The following NPC1L1 variants were observed in gnomAD, a reference collection of about 807,000 sequenced individuals.
NPC1L1 encodes the protein NPC1 like intracellular cholesterol transporter 1, also known as NPC1-like intracellular cholesterol transporter 1.
In NPC1L1, 98 loss-of-function variants were observed where a neutral mutation model predicts 117.0. That is an observed-to-expected ratio of 0.84 (90% CI 0.71 to 0.99). NPC1L1 has a LOEUF of 0.99. Among genes scored for constraint, NPC1L1 ranks in the 50% least tolerant of loss-of-function variants. The pLI is 0.00. For synonymous variants in NPC1L1, 729 were observed against 727.6 expected, an observed-to-expected ratio of 1.00 and a Z score of -0.03; for missense variants, 1,540 against 1,710.0, an observed-to-expected ratio of 0.90 and a Z score of 1.75.
rs138488674 is a variant in NPC1L1 at position 44,521,150 on chromosome 7, A to G, written c.2954-32T>C. ...AGAAAGCAGGGGTCTGGGCAGTGAC[A>G]CCCCAGGGCCAGCAGCTCCTGCTTT... On this transcript the variant is annotated intron_variant, in intron 12 of 18. Coordinates refer to ENST00000381160, the MANE Select transcript of NPC1L1 (RefSeq NM_001101648.2). 7.6e-5 allele frequency: 122 copies of G among 1,613,438 alleles called. No individual in the cohort carries two copies. In the African/African-American group the frequency reaches 1.3e-3, roughly 17 times the overall value.
rs367883417 is a variant in NPC1L1 at position 44,532,067 on chromosome 7, G to A, written c.2547+13C>T. The A allele has an allele frequency of 1.2e-5, 19 of 1,613,990 alleles. No homozygotes were observed. Among genetic ancestry groups the A allele is most frequent in the Non-Finnish European group, 1.5e-5 (18 of 1,180,014 alleles). ...TAGTGCCCCTGCTCTCGTGTGGTTC[G>A]AGGCCCACTCACCACAACACCTCGA... On this transcript the variant is annotated intron_variant, in intron 9 of 18. Transcript: ENST00000381160.
Position 44,533,258 on chromosome 7 carries a change from T to A in NPC1L1, c.2409+173A>T, listed in dbSNP as rs932147685. 35 of 729,390 alleles carry A rather than the reference T, an allele frequency of 4.8e-5. No individual in the cohort carries two copies. In the African/African-American group the frequency reaches 5.5e-4, roughly 12 times the overall value. The allele number at this position is 729,390 out of a possible 1,614,324, so 45.2% of individuals were successfully genotyped here. A position where few individuals can be genotyped will look rare whatever the true frequency, so the allele number is the denominator to read the frequency against. ...TTAAAAAATTGTCAAAACAAATTTATTTTTCTGTAGGAAATTGGAGAATAC... is the reference window on the plus strand; with the variant it reads ...TTAAAAAATTGTCAAAACAAATTTAATTTTCTGTAGGAAATTGGAGAATAC... On this transcript the variant is annotated intron_variant, in intron 8 of 18. Transcript: ENST00000381160.
At position 44,535,948 on chromosome 7, in the gene NPC1L1, G is replaced by T. The variant is rs1219030339; in HGVS notation, c.1875C>A (p.Ile625=). Reference sequence around the variant, plus strand: ...GCAGGTCTTCAGCTGTGGTGCGATTGATCTCGTCTTCCAGAGAGCGCTGTG... The same window carrying T: ...GCAGGTCTTCAGCTGTGGTGCGATTTATCTCGTCTTCCAGAGAGCGCTGTG... The part of the protein sequence containing the change: ...FMAERSLEDE[I]NRTTAEDLPI... Residue 625 remains isoleucine, a synonymous_variant, in exon 5 of 19, where the codon ATC becomes ATA. Coordinates refer to ENST00000381160, the MANE Select transcript of NPC1L1 (RefSeq NM_001101648.2). 3 of 1,613,174 alleles carry T rather than the reference G, an allele frequency of 1.9e-6. No individual in the cohort carries two copies. In the Admixed American group the frequency reaches 5.0e-5, roughly 27 times the overall value.
intron 14 of NPC1L1, among the ~76,000 whole-genome samples, chr7:44,520,553 A>G (rs1801321537): frequency 1.3e-5 from 2 of 152,046 alleles, no homozygotes; most frequent in Admixed American, 1.3e-4. Context: ...CAATTCCACA[A>G]ACTTAGCACT....
At chr7:44,517,413 G>T in intron 14 of NPC1L1, 56 bp from the exon 15 acceptor site, 1 of 1,597,210 alleles carries the variant, frequency 6.3e-7, no homozygotes, top group South Asian at 1.1e-5. Context: ...CCCTTTCCAG[G>T]ACAACTTCAG....
intron 1 of NPC1L1, among the ~76,000 whole-genome samples, chr7:44,540,695 C>G (rs535956635): frequency 1.3e-5 from 2 of 152,034 alleles, no homozygotes; most frequent in Admixed American, 6.6e-5. Flanking sequence ...GCCAGGGTCT[C>G]TCATGGAGAG....
rs1304530888 is a variant in NPC1L1, at chr7:44,521,149, C to T, written c.2954-31G>A. On this transcript the variant is annotated intron_variant, in intron 12 of 18. Coordinates refer to ENST00000381160, the MANE Select transcript of NPC1L1 (RefSeq NM_001101648.2). ...GAGAAAGCAGGGGTCTGGGCAGTGA[C>T]ACCCCAGGGCCAGCAGCTCCTGCTT... 3 of 1,613,614 alleles carry T rather than the reference C, an allele frequency of 1.9e-6. No individual in the cohort carries two copies. The Admixed American group carries it at 5.0e-5, about 27-fold the overall frequency.
At position 44,533,516 on chromosome 7, in the gene NPC1L1, G is replaced by A; in HGVS notation, c.2324C>T (p.Thr775Ile). The change falls in exon 8 of 19, where the codon ACC becomes ATC. Residue 775 changes from threonine (T) to isoleucine (I), a missense_variant. Physicochemically the swap from Thr to Ile is moderately conservative, Grantham distance 89. Coordinates refer to ENST00000381160, the MANE Select transcript of NPC1L1 (RefSeq NM_001101648.2). ...PMPAVRTFAL[T>I]SGLAVILDFL... ...GTCAAGGATCACTGCAAGGCCAGAG[G>A]TCAGGGCAAAGGTCCGCACAGCTGG... is the stretch of plus-strand genomic sequence containing the variant. 1 of 1,614,236 alleles carries A rather than the reference G, an allele frequency of 6.2e-7. No homozygotes were observed. The highest frequency in any genetic ancestry group is 8.5e-7 in the Non-Finnish European group (1 of 1,180,032).
Position 44,536,730 on chromosome 7 carries a change from A to G in NPC1L1, c.1681+112T>C, listed in dbSNP as rs1410237339. ...GGTTGGCCTACAGCTTCCAGAAGCC[A>G]GGCTACCCCCAGGCCGCGAGAATCC... On this transcript the variant is annotated intron_variant, in intron 3 of 18. Coordinates refer to ENST00000381160, the MANE Select transcript of NPC1L1 (RefSeq NM_001101648.2). The surrounding 1 kb of genome is among the most constrained non-coding windows in gnomAD (Gnocchi z 4.7). 4.2e-6 allele frequency: 4 copies of G among 959,232 alleles called. No individual in the cohort carries two copies. The highest frequency in any genetic ancestry group is 3.2e-5 in the African/African-American group (2 of 61,878). The allele number at this position is 959,232 out of a possible 1,614,324, so 59.4% of individuals were successfully genotyped here.
chr7:44,528,338 C>T (rs1452776412), intron 10 of NPC1L1, among the ~76,000 whole-genome samples: 1 of 152,206 alleles, frequency 6.6e-6, no homozygotes, highest in African/African-American at 2.4e-5. Context: ...TTCCTGGCCT[C>T]AAGCAATCCT....
At position 44,534,595 on chromosome 7, in the gene NPC1L1, A is replaced by T; in HGVS notation, c.2018T>A (p.Val673Glu). 1 of 1,613,730 alleles carries T rather than the reference A, an allele frequency of 6.2e-7. No homozygotes were observed. The highest frequency in any genetic ancestry group is 8.5e-7 in the Non-Finnish European group (1 of 1,179,922). Residue 673 changes from valine (V) to glutamate (E), a missense_variant, in exon 6 of 19, where the codon GTG becomes GAG. By Grantham distance (121) the Val-to-Glu change is moderately radical. This residue lies in a region of NPC1L1 where 742 missense variants were observed against 873.6 expected (regional missense o/e 0.85). Transcript: ENST00000381160. The surrounding 1 kb of genome is among the most constrained non-coding windows in gnomAD (Gnocchi z 5.2). ...DSKATLGLGG[V>E]AVVLGAVMAA... ...CATGACTGCTCCCAGGACCACGGCC[A>T]CCCCGCCGAGGCCCAGCGTGGCCTT...
intron 14 of NPC1L1, among the ~76,000 whole-genome samples, chr7:44,520,417 A>C (rs2117029841): frequency 6.6e-6 from 1 of 152,326 alleles, no homozygotes; most frequent in South Asian, 2.1e-4. Flanking sequence ...AATGACTGCT[A>C]GGATTGTGCT....
chr7:44,539,083 C>T lies in NPC1L1; in HGVS notation c.1314G>A (p.Leu438=). 2 of 1,614,106 alleles carry T rather than the reference C, an allele frequency of 1.2e-6. No individual in the cohort carries two copies. Among genetic ancestry groups the T allele is most frequent in the Non-Finnish European group, 1.7e-6 (2 of 1,179,976 alleles). ...GCTCTAGCAGCTCCAGCAGCAAGTC[C>T]AGGTCCAGGATTCCGCTGAAGTTCT... The part of the protein sequence containing the change: ...GPKNFSGILD[L]DLLLELLELQ... The change falls in exon 2 of 19, where the codon CTG becomes CTA. Residue 438 remains leucine, a synonymous_variant. Coordinates refer to ENST00000381160, the MANE Select transcript of NPC1L1 (RefSeq NM_001101648.2). This position sits in a 1 kb window ranked among gnomAD's most constrained non-coding sequence, Gnocchi z 4.4.
chr7:44,519,458 G>C (rs1801287125), intron 14 of NPC1L1, among the ~76,000 whole-genome samples: 1 of 152,176 alleles, frequency 6.6e-6, no homozygotes, highest in East Asian at 1.9e-4. Context: ...GTTGTGCTCA[G>C]CTACCAGGGC....
chr7:44,535,989 A>G, intron 4 of NPC1L1, 21 bp from the exon 5 acceptor site: 2 of 1,612,592 alleles, frequency 1.2e-6, no homozygotes, highest in Non-Finnish European at 1.7e-6. Flanking sequence ...ACACCCGACC[A>G]GCCCCCACTG....
chr7:44,531,249 T>C (rs991720222), intron 10 of NPC1L1, among the ~76,000 whole-genome samples: 1 of 152,168 alleles, frequency 6.6e-6, no homozygotes, highest in Non-Finnish European at 1.5e-5. Context: ...GCCCTTGGCC[T>C]CCAGCTCATC....
At chr7:44,530,079 T>C (rs1236024612) in intron 10 of NPC1L1, among the ~76,000 whole-genome samples, 1 of 149,202 alleles carries the variant, frequency 6.7e-6, no homozygotes, top group African/African-American at 2.5e-5. Flanking sequence ...GGCTCACACC[T>C]GTAATCCCAG....
chr7:44,522,960 A>G (rs1163109780), intron 10 of NPC1L1, among the ~76,000 whole-genome samples: 2 of 152,218 alleles, frequency 1.3e-5, no homozygotes, highest in African/African-American at 4.8e-5. Flanking sequence ...TATAACATAA[A>G]GGCTCAGAGT....
In NPC1L1 at chr7:44,539,841, C is replaced by T; in HGVS notation, c.556G>A (p.Gly186Ser). 3.1e-6 allele frequency: 5 copies of T among 1,614,152 alleles called. No homozygotes were observed. The highest frequency in any genetic ancestry group is 4.2e-6 in the Non-Finnish European group (5 of 1,180,038). The change falls in exon 2 of 19, where the codon GGC (glycine) becomes AGC (serine). Residue 186 changes from glycine to serine, a missense_variant. Coordinates refer to ENST00000381160, the MANE Select transcript of NPC1L1 (RefSeq NM_001101648.2). This position sits in a 1 kb window ranked among gnomAD's most constrained non-coding sequence, Gnocchi z 4.4. ...GAGCCATACACGCCACACATGGTGC[C>T]CACAGCCAGCGTGGCAGCTGCAGGG... ...RVPAAATLAV[G>S]TMCGVYGSAL...
Sources: gnomAD v4.1 joint callset for allele counts (sites outside exome capture counted in the v4.1 genomes callset) on GRCh38, gnomAD v4.1.1 for gene constraint, gnomAD v4.1.1 regional missense constraint, Gnocchi (gnomAD v3.1) non-coding constraint, MANE v1.5 for transcripts, NCBI Gene and HGNC (gene_info 2026-07-23, HGNC 2026-07-21) for gene names.